NFYA: variants seen among roughly 807,000 people sequenced by gnomAD.
NFYA encodes CAAT-box DNA binding protein subunit A.
In NFYA, 28 loss-of-function variants were observed where a neutral mutation model predicts 52.8. The observed-to-expected ratio is 0.53, with a 90% CI of 0.39 to 0.73. The LOEUF (loss-of-function observed/expected upper bound fraction) is 0.73. Ranked by LOEUF, NFYA falls within the 30% of genes least tolerant of loss-of-function variation. The pLI is 0.00. For missense variants in NFYA, 234 were observed against 427.0 expected (o/e 0.55, Z 3.98); for synonymous variants, 150 against 150.7 (o/e 1.00, Z 0.03).
intron 3 of NFYA, among the ~76,000 whole-genome samples, chr6:41,082,672 T>C (rs1763941626): frequency 6.6e-6 from 1 of 152,232 alleles, no homozygotes. Flanking sequence ...TCTGATTATT[T>C]TGGGAGAATT....
chr6:41,092,752 C>A (rs535027815), intron 7 of NFYA, among the ~76,000 whole-genome samples, 160 bp from the exon 8 acceptor site: 47 of 152,214 alleles, frequency 3.1e-4, no homozygotes, highest in Admixed American at 1.5e-3. Flanking sequence ...AAGTGCAGAT[C>A]TTTAGTATAA....
chr6:41,090,656 GT>G (rs939325753), intron 6 of NFYA, among the ~76,000 whole-genome samples: 1 of 152,132 alleles, frequency 6.6e-6, no homozygotes, highest in South Asian at 2.1e-4. Flanking sequence ...TGCTGCTTAT[GT>G]TTTTTTCTGG....
intron 1 of NFYA, among the ~76,000 whole-genome samples, chr6:41,076,708 G>T (rs913351290): frequency 6.6e-6 from 1 of 152,168 alleles, no homozygotes; most frequent in Non-Finnish European, 1.5e-5. Context: ...TCAAAACTTT[G>T]TGTTAAGAGC....
Position 41,101,014 on chromosome 6 carries a change from G to T in NFYA, c.*3604G>T, listed in dbSNP as rs1182484750. On this transcript the variant is annotated 3_prime_UTR_variant, in exon 10 of 10. Transcript: ENST00000341376. ...TGGGCCCTGTTTCCGGTACCTAGGC[G>T]GGCAGCCATGGTGACCGGCGAGCGG... 6.6e-6 allele frequency: 1 copy of T among 152,292 alleles called. No homozygotes were observed. The highest frequency in any genetic ancestry group is 1.5e-5 in the Non-Finnish European group (1 of 68,088). The allele number at this position is 152,292 out of a possible 1,614,324, so 9.4% of individuals were successfully genotyped here.
intron 5 of NFYA, 60 bp from the exon 6 acceptor site, chr6:41,090,144 A>G (rs963868271): frequency 5.1e-6 from 6 of 1,166,270 alleles, no homozygotes; most frequent in Admixed American, 1.9e-5. Flanking sequence ...TAAGGACTAC[A>G]TCGTTCTTTG....
intron 4 of NFYA, 41 bp downstream of exon 4, chr6:41,084,233 G>A: frequency 6.3e-7 from 1 of 1,597,042 alleles, no homozygotes; most frequent in East Asian, 2.3e-5. Context: ...TATCAGAGGA[G>A]AGGTTTCAAA....
At chr6:41,085,146 G>C (rs1290656442) in intron 4 of NFYA, among the ~76,000 whole-genome samples, 1 of 152,146 alleles carries the variant, frequency 6.6e-6, no homozygotes, top group Non-Finnish European at 1.5e-5. Context: ...AAACTGTAGA[G>C]TTATTTTGGA....
intron 1 of NFYA, among the ~76,000 whole-genome samples, chr6:41,074,786 G>GA (rs1202667531): frequency 5.9e-5 from 9 of 152,216 alleles, no homozygotes; most frequent in African/African-American, 1.9e-4. Context: ...TCCTAAGATT[G>GA]AAAAAACGAG....
chr6:41,079,644 G>A (rs1451500534), intron 2 of NFYA, among the ~76,000 whole-genome samples: 5 of 152,154 alleles, frequency 3.3e-5, no homozygotes, highest in Non-Finnish European at 5.9e-5. Flanking sequence ...AGACATACTA[G>A]AAAGGAATTC....
chr6:41,089,289 T>G lies in NFYA; in HGVS notation c.310-290T>G, dbSNP rs557863545. ...GTGAGCCACCACACCCAGCCCAGAGTGTATTTTAAATATGCATGCTTTTCA... is the reference window on the plus strand; with the variant it reads ...GTGAGCCACCACACCCAGCCCAGAGGGTATTTTAAATATGCATGCTTTTCA... On this transcript the variant is annotated intron_variant, in intron 4 of 9. Coordinates refer to ENST00000341376, the MANE Select transcript of NFYA (RefSeq NM_002505.5). 7.2e-5 allele frequency among the ~76,000 whole-genome samples: 11 copies of G among 152,232 alleles called. No homozygotes were observed. The East Asian group carries it at 2.1e-3, about 29-fold the overall frequency.
intron 9 of NFYA, among the ~76,000 whole-genome samples, chr6:41,096,416 A>T (rs752735395): frequency 2.0e-5 from 3 of 152,232 alleles, no homozygotes; most frequent in Non-Finnish European, 2.9e-5. Flanking sequence ...TGCTAACAAT[A>T]TGATCTTGGT....
Position 41,079,050 on chromosome 6 carries a change from A to G in NFYA, c.-40A>G. The G allele has an allele frequency of 1.3e-6, 2 of 1,598,562 alleles. No individual in the cohort carries two copies. Among genetic ancestry groups the G allele is most frequent in the South Asian group, 1.1e-5 (1 of 90,554 alleles). On this transcript the variant is annotated 5_prime_UTR_variant, in exon 2 of 10. Transcript: ENST00000341376. ...ACAGGAGTGTACCTCACAGCCTTCT[A>G]GGATCTCCAGAGTGGACAGGAATCT... is the stretch of plus-strand genomic sequence containing the variant.
intron 9 of NFYA, among the ~76,000 whole-genome samples, chr6:41,094,784 C>A (rs1348906481): frequency 1.3e-5 from 2 of 152,134 alleles, no homozygotes; most frequent in East Asian, 3.9e-4. Context: ...CAAAAAAATA[C>A]AAAAACTAGC....
At chr6:41,091,719 T>G (rs12189627) in intron 7 of NFYA, 25 bp downstream of exon 7, 226,767 of 1,602,384 alleles carry the variant, frequency 0.14, 21,095 homozygotes, top group African/African-American at 0.46. Context: ...TTTTCAGCTT[T>G]GTCTTTGAAA....
At chr6:41,078,899 AT>A in intron 1 of NFYA, 129 bp from the exon 2 acceptor site, 1 of 531,494 alleles carries the variant, frequency 1.9e-6, no homozygotes, top group Non-Finnish European at 3.4e-6. Flanking sequence ...GATACTGAAT[AT>A]AAGCATTTCC....
chr6:41,094,099 C>T (rs888756996), intron 8 of NFYA, among the ~76,000 whole-genome samples: 3 of 152,036 alleles, frequency 2.0e-5, no homozygotes, highest in Admixed American at 6.5e-5. Flanking sequence ...CGAAATTTGG[C>T]CTGTTATTAA....
Position 41,097,415 on chromosome 6 carries a change from ACG to A in NFYA, c.*7_*8del. The A allele has an allele frequency of 6.2e-7, 1 of 1,613,794 alleles. No homozygotes were observed. The highest frequency in any genetic ancestry group is 8.5e-7 in the Non-Finnish European group (1 of 1,179,792). ...CAGATCATCCGAGTGTCCTAACCCC[ACG>A]CCATGTGATGGAGCTGATCAAGGTC... On this transcript the variant is annotated 3_prime_UTR_variant, in exon 10 of 10. Transcript: ENST00000341376.
Position 41,101,633 on chromosome 6 carries a change from G to C in NFYA, c.*4223G>C, listed in dbSNP as rs898480723. 2.0e-5 allele frequency among the ~76,000 whole-genome samples: 3 copies of C among 152,180 alleles called. No individual in the cohort carries two copies. Among genetic ancestry groups the C allele is most frequent in the Admixed American group, 6.5e-5 (1 of 15,284 alleles). On this transcript the variant is annotated 3_prime_UTR_variant, in exon 10 of 10. Transcript: ENST00000341376. ...CGTTCATTTAACAAATACTTACTCTGTGTCAGGGATATGAAGATGGGTAAT... is the reference window on the plus strand; with the variant it reads ...CGTTCATTTAACAAATACTTACTCTCTGTCAGGGATATGAAGATGGGTAAT...
chr6:41,094,637 T>C (rs1420310388), intron 9 of NFYA, 140 bp downstream of exon 9: 2 of 608,656 alleles, frequency 3.3e-6, no homozygotes, highest in East Asian at 5.8e-5. Flanking sequence ...TTATGTCTCT[T>C]TAGATTATCT....
Sources: gnomAD v4.1 joint callset for allele counts (sites outside exome capture counted in the v4.1 genomes callset) on GRCh38, gnomAD v4.1.1 for gene constraint, MANE v1.5 for transcripts, NCBI Gene and HGNC (gene_info 2026-07-23, HGNC 2026-07-21) for gene names.